The following FAM117B variants were observed in gnomAD, a reference collection of about 807,000 sequenced individuals.
The protein encoded by FAM117B is protein FAM117B.
In FAM117B, 22 loss-of-function variants were observed where a neutral mutation model predicts 52.8. The ratio of observed to expected loss-of-function variants is 0.42; its 90% CI spans 0.30 to 0.59. FAM117B has a LOEUF of 0.59. Ranked by LOEUF, FAM117B falls within the 20% of genes least tolerant of loss-of-function variation. The pLI is 0.22. For synonymous variants in FAM117B, 309 were observed against 324.1 expected, an observed-to-expected ratio of 0.95 and a Z score of 0.50; for missense variants, 678 against 802.6, an observed-to-expected ratio of 0.84 and a Z score of 1.88.
At chr2:202,656,916 C>G (rs1690064443) in intron 1 of FAM117B, among the ~76,000 whole-genome samples, 2 of 152,026 alleles carry the variant, frequency 1.3e-5, no homozygotes, top group Admixed American at 6.6e-5. Flanking sequence ...GACCATTTTA[C>G]TGTATAATTT....
At chr2:202,740,618 T>A (rs1455971605) in intron 4 of FAM117B, among the ~76,000 whole-genome samples, 2 of 152,174 alleles carry the variant, frequency 1.3e-5, no homozygotes, top group Non-Finnish European at 2.9e-5. Context: ...TCAGCTATTC[T>A]AAATCTAAAA....
At chr2:202,677,888 T>C (rs1236635506) in intron 1 of FAM117B, among the ~76,000 whole-genome samples, 1 of 152,216 alleles carries the variant, frequency 6.6e-6, no homozygotes, top group African/African-American at 2.4e-5. Flanking sequence ...CAATGCCTAA[T>C]AAATATGAAT....
At chr2:202,674,123 T>C (rs1265156804) in intron 1 of FAM117B, among the ~76,000 whole-genome samples, 1 of 152,222 alleles carries the variant, frequency 6.6e-6, no homozygotes, top group Non-Finnish European at 1.5e-5. Context: ...AACCTGTCTG[T>C]AATTGATTAC....
chr2:202,688,102 A>G (rs902227178), intron 1 of FAM117B, among the ~76,000 whole-genome samples: 1 of 152,118 alleles, frequency 6.6e-6, no homozygotes, highest in African/African-American at 2.4e-5. Flanking sequence ...TTAATATTCT[A>G]TGTATTTTCT....
intron 1 of FAM117B, among the ~76,000 whole-genome samples, chr2:202,674,031 C>G (rs904982258): frequency 6.6e-6 from 1 of 152,104 alleles, no homozygotes; most frequent in African/African-American, 2.4e-5. Context: ...CTGCACCCCC[C>G]CCACCTCTGA....
Position 202,634,994 on chromosome 2 carries a change from A to G in FAM117B, c.-194A>G, listed in dbSNP as rs1050062658. Among the ~76,000 whole-genome samples the G allele has an allele frequency of 2.7e-5, 4 of 147,534 alleles. No individual in the cohort carries two copies. Among genetic ancestry groups the G allele is most frequent in the African/African-American group, 7.6e-5 (3 of 39,600 alleles). On this transcript the variant is annotated 5_prime_UTR_variant, in exon 1 of 8. Coordinates refer to ENST00000392238, the MANE Select transcript of FAM117B (RefSeq NM_173511.4). ...AGAGGAGACACTATTGTTGATGAGG[A>G]GCGGCGGCGGCGGCGGCGGCGGCTG...
At chr2:202,714,846 G>C (rs1321940567) in intron 2 of FAM117B, among the ~76,000 whole-genome samples, 2 of 151,574 alleles carry the variant, frequency 1.3e-5, no homozygotes, top group Non-Finnish European at 2.9e-5. Context: ...CACAGGGTTG[G>C]GGGTAAGGTC....
At chr2:202,654,167 G>A (rs1559095052) in intron 1 of FAM117B, among the ~76,000 whole-genome samples, 2 of 150,126 alleles carry the variant, frequency 1.3e-5, no homozygotes, top group Admixed American at 6.7e-5. Context: ...AAGAAAGACA[G>A]TAATATTAAA....
intron 5 of FAM117B, 136 bp from the exon 6 acceptor site, chr2:202,757,077 A>G: frequency 1.1e-6 from 1 of 900,692 alleles, no homozygotes; most frequent in Non-Finnish European, 1.7e-6. Context: ...AACGTGCAAC[A>G]TGAAATCCTA....
At chr2:202,666,813 T>C (rs573588375) in intron 1 of FAM117B, among the ~76,000 whole-genome samples, 3 of 150,698 alleles carry the variant, frequency 2.0e-5, no homozygotes, top group South Asian at 2.1e-4. Flanking sequence ...GGACAGCTAA[T>C]TTTTTGTAGT....
intron 1 of FAM117B, among the ~76,000 whole-genome samples, chr2:202,670,904 A>G (rs924214914): frequency 1.3e-5 from 2 of 152,234 alleles, no homozygotes; most frequent in East Asian, 3.8e-4. Context: ...TAGTGCTACC[A>G]TGGTGTTTGC....
At chr2:202,685,813 T>C (rs1690530609) in intron 1 of FAM117B, among the ~76,000 whole-genome samples, 1 of 151,994 alleles carries the variant, frequency 6.6e-6, no homozygotes, top group Admixed American at 6.6e-5. Context: ...ATATGAAGGG[T>C]AAAATGGAAA....
At chr2:202,742,687 T>G (rs1195132669) in intron 4 of FAM117B, among the ~76,000 whole-genome samples, 1 of 152,198 alleles carries the variant, frequency 6.6e-6, no homozygotes, top group Non-Finnish European at 1.5e-5. Flanking sequence ...TAAACATTTT[T>G]GTATGGCAGA....
intron 1 of FAM117B, among the ~76,000 whole-genome samples, chr2:202,655,354 T>C (rs1690036004): frequency 6.6e-6 from 1 of 152,164 alleles, no homozygotes; most frequent in Admixed American, 6.5e-5. Flanking sequence ...GTTTTTTTGG[T>C]GAACCTTGTT....
At chr2:202,697,082 AC>A (rs1439319150) in intron 2 of FAM117B, among the ~76,000 whole-genome samples, 1 of 151,262 alleles carries the variant, frequency 6.6e-6, no homozygotes, top group Non-Finnish European at 1.5e-5. Context: ...AAAAGAAAAA[AC>A]AAAGAAGAAG....
In FAM117B at chr2:202,655,625, T is replaced by G. The variant is rs1405093059; in HGVS notation, c.601+19837T>G. Among the ~76,000 whole-genome samples the G allele has an allele frequency of 2.0e-5, 3 of 151,960 alleles. No homozygotes were observed. In the East Asian group the frequency reaches 5.8e-4, roughly 29 times the overall value. On this transcript the variant is annotated intron_variant, in intron 1 of 7. Transcript: ENST00000392238. ...TTATCTGTTTTTAGAAGAGGTTATG[T>G]AGCATTGATAGTATCTCTTCCTTGA...
chr2:202,677,732 A>G (rs572342004), intron 1 of FAM117B, among the ~76,000 whole-genome samples: 2 of 152,278 alleles, frequency 1.3e-5, no homozygotes, highest in South Asian at 4.1e-4. Context: ...AAATCTCTGT[A>G]TTTTTACTTG....
At position 202,635,175 on chromosome 2, in the gene FAM117B, G is replaced by A. The variant is rs1181553755; in HGVS notation, c.-13G>A. On this transcript the variant is annotated 5_prime_UTR_variant, in exon 1 of 8. Transcript: ENST00000392238. Reference sequence around the variant, plus strand: ...CCCCCCGTCTCGCCCAGTCACCGGGGAGGGGGGGGACCATGTCCCAGCGGG... The same window carrying A: ...CCCCCCGTCTCGCCCAGTCACCGGGAAGGGGGGGGACCATGTCCCAGCGGG... The A allele has an allele frequency of 7.1e-6, 9 of 1,269,462 alleles. No individual in the cohort carries two copies. The South Asian group carries it at 1.9e-4, about 26-fold the overall frequency. 78.6% of individuals were successfully genotyped at this position (1,269,462 alleles called of 1,614,324 possible).
chr2:202,739,449 C>T (rs1691491028), intron 4 of FAM117B, among the ~76,000 whole-genome samples: 2 of 131,202 alleles, frequency 1.5e-5, no homozygotes, highest in Admixed American at 7.7e-5. Flanking sequence ...CCCCTCCCCT[C>T]CCCTCCCTCC....
Sources: gnomAD v4.1 joint callset for allele counts (sites outside exome capture counted in the v4.1 genomes callset) on GRCh38, gnomAD v4.1.1 for gene constraint, MANE v1.5 for transcripts, NCBI Gene and HGNC (gene_info 2026-07-23, HGNC 2026-07-21) for gene names.